DDX55: variants seen among roughly 807,000 people sequenced by gnomAD.
DDX55 encodes the protein DEAD-box helicase 55, also known as ATP-dependent RNA helicase DDX55.
A neutral mutation model predicts 69.2 loss-of-function variants in DDX55; 56 were observed. The ratio of observed to expected loss-of-function variants is 0.81; its 90% CI spans 0.65 to 1.01. DDX55 has a LOEUF of 1.01. Ranked by LOEUF, DDX55 falls within the 50% of genes least tolerant of loss-of-function variation. DDX55 has a pLI of 0.00. For missense variants in DDX55, 720 were observed against 745.1 expected (o/e 0.97, Z 0.39); for synonymous variants, 268 against 273.1 (o/e 0.98, Z 0.18).
At chr12:123,611,316 C>G (rs1954223135) in intron 7 of DDX55, among the ~76,000 whole-genome samples, 1 of 152,208 alleles carries the variant, frequency 6.6e-6, no homozygotes, top group Admixed American at 6.5e-5. Context: ...CTCCTCACCC[C>G]TGTTCTGTTC....
At position 123,607,583 on chromosome 12, in the gene DDX55, C is replaced by T. The variant is rs1211343720; in HGVS notation, c.339-17C>T. On this transcript the variant is annotated splice_polypyrimidine_tract_variant and intron_variant, in intron 4 of 13. Transcript: ENST00000238146. The stretch of plus-strand genomic sequence containing the variant: ...CTGTTTTGTCGAACTTAATCAAAGG[C>T]TGTTTTCTTGTTGTAGCCAGATTCT... 1 of 1,614,130 alleles carries T rather than the reference C, an allele frequency of 6.2e-7. No homozygotes were observed. The highest frequency in any genetic ancestry group is 1.1e-5 in the South Asian group (1 of 91,072).
At position 123,615,295 on chromosome 12, in the gene DDX55, T is replaced by C. The variant is rs371091632; in HGVS notation, c.935T>C (p.Met312Thr). Reference sequence around the variant, plus strand: ...AAATATAAACGCAATAAGATCTTCATGGAGTTCCGCAAATTGCAAAGGTGG... The same window carrying C: ...AAATATAAACGCAATAAGATCTTCACGGAGTTCCGCAAATTGCAAAGGTGG... ...KMKYKRNKIF[M>T]EFRKLQSGIL... is the part of the protein sequence containing the mutation. Residue 312 changes from methionine to threonine, a missense_variant, in exon 9 of 14, where the codon ATG becomes ACG. Coordinates refer to ENST00000238146, the MANE Select transcript of DDX55 (RefSeq NM_020936.3). The C allele has an allele frequency of 1.2e-6, 2 of 1,613,904 alleles. No homozygotes were observed. The highest frequency in any genetic ancestry group is 1.7e-5 in the Admixed American group (1 of 60,004).
intron 11 of DDX55, 74 bp from the exon 12 acceptor site, chr12:123,618,595 T>G (rs1954887062): frequency 6.4e-7 from 1 of 1,568,960 alleles, no homozygotes; most frequent in South Asian, 1.2e-5. Flanking sequence ...TTGTTTTTCT[T>G]GGTTGTGATG....
intron 7 of DDX55, among the ~76,000 whole-genome samples, chr12:123,612,034 A>C (rs1954283447): frequency 6.6e-6 from 1 of 152,238 alleles, no homozygotes; most frequent in South Asian, 2.1e-4. Context: ...CTTAGTACAC[A>C]ATAAGTATGG....
At chr12:123,609,867 T>C in intron 6 of DDX55, 72 bp from the exon 7 acceptor site, 1 of 1,521,850 alleles carries the variant, frequency 6.6e-7, no homozygotes, top group Non-Finnish European at 8.8e-7. Context: ...AATACCTGTT[T>C]AGTATCGTGA....
chr12:123,617,944 C>A, intron 11 of DDX55, 72 bp downstream of exon 11: 2 of 1,461,450 alleles, frequency 1.4e-6, no homozygotes, highest in Non-Finnish European at 1.9e-6. Context: ...AGCATGTGGT[C>A]AGCAATTGAA....
At position 123,616,549 on chromosome 12, in the gene DDX55, T is replaced by C. The variant is rs367585107; in HGVS notation, c.995T>C (p.Ile332Thr). The stretch of plus-strand genomic sequence containing the variant: ...TGCACTGATGTGATGGCCCGGGGAA[T>C]TGATATTCCTGAAGTCAACTGGGTT... ...LVCTDVMARGIDIPEVNWVLQ... is the reference protein window; with the variant it reads ...LVCTDVMARGTDIPEVNWVLQ... Residue 332 changes from isoleucine to threonine, a missense_variant, in exon 10 of 14, where the codon ATT becomes ACT. Physicochemically the swap from Ile to Thr is moderately conservative, Grantham distance 89. Transcript: ENST00000238146. 7 of 1,614,016 alleles carry C rather than the reference T, an allele frequency of 4.3e-6. No individual in the cohort carries two copies. The highest frequency in any genetic ancestry group is 3.3e-5 in the South Asian group (3 of 91,090).
chr12:123,603,352 G>C (rs552063687), intron 1 of DDX55, among the ~76,000 whole-genome samples: 1 of 150,486 alleles, frequency 6.6e-6, no homozygotes, highest in East Asian at 2.0e-4. Context: ...TGGAAGTGGA[G>C]GTTAGGAAAG....
chr12:123,620,225 A>T lies in DDX55; in HGVS notation c.*85A>T, dbSNP rs1955040064. ...CCAGTTTGCTTTTAACGAAAATCAC[A>T]ACTTCAGGAGACATCTGAAAAGAAT... On this transcript the variant is annotated 3_prime_UTR_variant, in exon 14 of 14. Coordinates refer to ENST00000238146, the MANE Select transcript of DDX55 (RefSeq NM_020936.3). 5.9e-6 allele frequency: 8 copies of T among 1,356,482 alleles called. No homozygotes were observed. Among genetic ancestry groups the T allele is most frequent in the Non-Finnish European group, 6.1e-6 (6 of 986,746 alleles). The allele number at this position is 1,356,482 out of a possible 1,614,324, so 84.0% of individuals were successfully genotyped here.
rs758954749 is a variant in DDX55, at chr12:123,619,547, G to A, written c.1449G>A (p.Thr483=). The change falls in exon 13 of 14, where the codon ACG becomes ACA. Residue 483 remains threonine (T), a synonymous_variant. Transcript: ENST00000238146. ...DFVPVDVNTD[T]IPFKDKIREK... ...TGCCCGTGGACGTTAATACCGACAC[G>A]ATTCCATTTAAAGATAAAATCAGAG... 24 of 1,613,828 alleles carry A rather than the reference G, an allele frequency of 1.5e-5. No homozygotes were observed. Among genetic ancestry groups the A allele is most frequent in the South Asian group, 4.4e-5 (4 of 91,064 alleles).
chr12:123,618,813 T>C lies in DDX55; in HGVS notation c.1309T>C (p.Cys437Arg). Residue 437 changes from cysteine (C) to arginine (R), a missense_variant, in exon 12 of 14, where the codon TGC (cysteine) becomes CGC (arginine). Physicochemically the swap from Cys to Arg is radical, Grantham distance 180. Transcript: ENST00000238146. ...TGTCCAAGCTTATGCAAAGCATGAA[T>C]GCAACCTGATTTTCAGATTAAAGGG... ...SYVQAYAKHE[C>R]NLIFRLKDLD... is the part of the protein sequence containing the mutation. 1 of 1,614,138 alleles carries C rather than the reference T, an allele frequency of 6.2e-7. No individual in the cohort carries two copies. Among genetic ancestry groups the C allele is most frequent in the Non-Finnish European group, 8.5e-7 (1 of 1,180,004 alleles).
chr12:123,615,231 G>A lies in DDX55; in HGVS notation c.871G>A (p.Val291Met). 1 of 1,614,160 alleles carries A rather than the reference G, an allele frequency of 6.2e-7. No individual in the cohort carries two copies. Among genetic ancestry groups the A allele is most frequent in the South Asian group, 1.1e-5 (1 of 91,078 alleles). ...CTATGGGAAGGCTCTGGAAGTGCTG[G>A]TGAAGGGCGTGAAGATTATGTGCAT... ...EYYGKALEVL[V>M]KGVKIMCIHG... Residue 291 changes from valine to methionine, a missense_variant, in exon 9 of 14, where the codon GTG becomes ATG. Transcript: ENST00000238146.
chr12:123,620,576 CATATTAT>C lies in DDX55; in HGVS notation c.*441_*447del, dbSNP rs1336373907. 6.7e-5 allele frequency: 4 copies of C among 59,658 alleles called. No homozygotes were observed. Among genetic ancestry groups the C allele is most frequent in the Admixed American group, 4.4e-4 (2 of 4,568 alleles). The allele number at this position is 59,658 out of a possible 1,614,324, so 3.7% of individuals were successfully genotyped here. A position where few individuals can be genotyped will look rare whatever the true frequency, so the allele number is the denominator to read the frequency against. On this transcript the variant is annotated 3_prime_UTR_variant, in exon 14 of 14. Coordinates refer to ENST00000238146, the MANE Select transcript of DDX55 (RefSeq NM_020936.3). ...GATGGGTCACATATAGACATATGTA[CATATTAT>C]ATATATATATATATATATATATATA... is the stretch of plus-strand genomic sequence containing the variant.
rs911208837 is a variant in DDX55 at position 123,606,291 on chromosome 12, G to T, written c.246+132G>T. On this transcript the variant is annotated intron_variant, in intron 3 of 13. Transcript: ENST00000238146. ...CGCCTGTAATCCCAGCACTTTGGGA[G>T]ACTGAGTCTGGAGGATCACTGGAGT... The T allele has an allele frequency of 2.4e-5, 26 of 1,104,512 alleles. No homozygotes were observed. The African/African-American group carries it at 3.8e-4, about 16-fold the overall frequency. 68.4% of individuals were successfully genotyped at this position (1,104,512 alleles called of 1,614,324 possible).
In DDX55 at chr12:123,618,739, T is replaced by C. The variant is rs764130306; in HGVS notation, c.1235T>C (p.Leu412Pro). Residue 412 changes from leucine to proline, a missense_variant, in exon 12 of 14, where the codon CTG becomes CCG. By Grantham distance (98) the Leu-to-Pro change is moderately conservative. Transcript: ENST00000238146. ...DLLPKLKSMA[L>P]ADRAVFEKGM... ...CTGCCAAAACTCAAGTCCATGGCCC[T>C]GGCTGACAGAGCTGTGTTTGAAAAG... 3 of 1,614,210 alleles carry C rather than the reference T, an allele frequency of 1.9e-6. No individual in the cohort carries two copies. The highest frequency in any genetic ancestry group is 2.5e-6 in the Non-Finnish European group (3 of 1,180,038).
intron 3 of DDX55, among the ~76,000 whole-genome samples, chr12:123,606,801 C>A (rs1593677861): frequency 6.6e-6 from 1 of 152,084 alleles, no homozygotes; most frequent in Non-Finnish European, 1.5e-5. Flanking sequence ...GTCTTAAACT[C>A]CTGGGCTCAA....
In DDX55 at chr12:123,602,212, G is replaced by C; in HGVS notation, c.64G>C (p.Gly22Arg). Reference protein sequence around the residue: ...LPVPLHPQVLGALRELGFPYM... With the variant: ...LPVPLHPQVLRALRELGFPYM... ...TGTGCCGCTGCACCCGCAGGTGCTG[G>C]GCGCGCTGCGGGAGCTGGGCTTCCC... is the stretch of plus-strand genomic sequence containing the variant. The change falls in exon 1 of 14, where the codon GGC (glycine) becomes CGC (arginine). Residue 22 changes from glycine to arginine, a missense_variant. Physicochemically the swap from Gly to Arg is moderately radical, Grantham distance 125. Transcript: ENST00000238146. 1 of 1,572,930 alleles carries C rather than the reference G, an allele frequency of 6.4e-7. No individual in the cohort carries two copies. Among genetic ancestry groups the C allele is most frequent in the Non-Finnish European group, 8.6e-7 (1 of 1,161,352 alleles).
At chr12:123,615,352 C>T (rs763424466) in intron 9 of DDX55, 36 bp downstream of exon 9, 28 of 1,608,924 alleles carry the variant, frequency 1.7e-5, no homozygotes, top group Non-Finnish European at 2.2e-5. Context: ...AGCTCTCCTG[C>T]CACACTGCTC....
rs965577416 is a variant in DDX55 at position 123,620,060 on chromosome 12, G to C, written c.1723G>C (p.Glu575Gln). The C allele has an allele frequency of 1.9e-6, 3 of 1,614,160 alleles. No individual in the cohort carries two copies. Among genetic ancestry groups the C allele is most frequent in the Non-Finnish European group, 2.5e-6 (3 of 1,180,024 alleles). ...AGGCAAAATAACTGAAGAAGAATTT[G>C]AGAAGGGCTTGTTGACAACTGGCAA... The part of the protein sequence containing the change: ...KKGKITEEEF[E>Q]KGLLTTGKRT... Residue 575 changes from glutamate (E) to glutamine (Q), a missense_variant, in exon 14 of 14, where the codon GAG (glutamate) becomes CAG (glutamine). Glu to Gln is a conservative substitution (Grantham distance 29). Coordinates refer to ENST00000238146, the MANE Select transcript of DDX55 (RefSeq NM_020936.3).
Sources: gnomAD v4.1 joint callset for allele counts (sites outside exome capture counted in the v4.1 genomes callset) on GRCh38, gnomAD v4.1.1 for gene constraint, MANE v1.5 for transcripts, NCBI Gene and HGNC (gene_info 2026-07-23, HGNC 2026-07-21) for gene names.